The following L3MBTL4 variants were observed in gnomAD, a reference collection of about 807,000 sequenced individuals.
L3MBTL4 encodes lethal(3)malignant brain tumor-like protein 4.
Under a neutral mutation model 84.5 loss-of-function variants are expected in L3MBTL4, and 70 were observed. The observed-to-expected ratio is 0.83, with a 90% confidence interval of 0.68 to 1.01. L3MBTL4 has a LOEUF of 1.01. Ranked by LOEUF, L3MBTL4 falls within the 50% of genes least tolerant of loss-of-function variation. The pLI is 0.00. For missense variants in L3MBTL4, 715 were observed against 754.8 expected, an observed-to-expected ratio of 0.95 and a Z score of 0.62; for synonymous variants, 274 against 259.8, an observed-to-expected ratio of 1.05 and a Z score of -0.52.
At chr18:6,145,431 G>C (rs2042606144) in intron 13 of L3MBTL4, among the ~76,000 whole-genome samples, 1 of 151,764 alleles carries the variant, frequency 6.6e-6, no homozygotes, top group Admixed American at 6.6e-5. Flanking sequence ...AAATTAAGAT[G>C]GTCTACTCAT....
intron 12 of L3MBTL4, among the ~76,000 whole-genome samples, chr18:6,206,219 G>A (rs1053038951): frequency 6.6e-6 from 1 of 152,072 alleles, no homozygotes; most frequent in Non-Finnish European, 1.5e-5. Context: ...ATCCTGTATT[G>A]GTGTACACTT....
intron 5 of L3MBTL4, among the ~76,000 whole-genome samples, chr18:6,257,649 T>C (rs531659400): frequency 0.014 from 2,141 of 149,224 alleles, 19 homozygotes; most frequent in Non-Finnish European, 0.021. Flanking sequence ...CTTTTTCTTT[T>C]TTTTTTTTTT....
At chr18:6,239,648 T>C in intron 9 of L3MBTL4, 70 bp downstream of exon 9, 2 of 1,514,118 alleles carry the variant, frequency 1.3e-6, no homozygotes, top group Non-Finnish European at 1.8e-6. Context: ...GCAACAGTGC[T>C]AGAATGAAAA....
chr18:6,412,536 G>T (rs1173222691), intron 1 of L3MBTL4, among the ~76,000 whole-genome samples: 2 of 152,050 alleles, frequency 1.3e-5, no homozygotes, highest in Non-Finnish European at 2.9e-5. Flanking sequence ...CAGCCTCCTG[G>T]AAGTGGCTTT....
intron 3 of L3MBTL4, among the ~76,000 whole-genome samples, chr18:6,305,963 T>C (rs1203215581): frequency 6.6e-6 from 1 of 152,052 alleles, no homozygotes. Flanking sequence ...ATAATACCCC[T>C]TTGCTCTCCT....
intron 14 of L3MBTL4, among the ~76,000 whole-genome samples, chr18:6,132,483 G>C (rs977142722): frequency 2.0e-5 from 3 of 152,170 alleles, no homozygotes; most frequent in South Asian, 4.1e-4. Flanking sequence ...GCATGTGTGA[G>C]GCCTGGAGAC....
At chr18:5,956,526 G>A (rs2095228102) in intron 18 of L3MBTL4, 139 bp from the exon 19 acceptor site, 4 of 691,324 alleles carry the variant, frequency 5.8e-6, no homozygotes, top group East Asian at 2.6e-5. Flanking sequence ...AGAGAATGAC[G>A]GTAGCTCTCA....
chr18:6,032,240 G>A (rs1435650327), intron 16 of L3MBTL4: 2 of 775,082 alleles, frequency 2.6e-6, no homozygotes, highest in African/African-American at 1.9e-5. Context: ...GCCTCCCAAA[G>A]TGCTGGGATT....
At chr18:6,406,760 G>C (rs1453785166) in intron 1 of L3MBTL4, among the ~76,000 whole-genome samples, 1 of 151,920 alleles carries the variant, frequency 6.6e-6, no homozygotes, top group African/African-American at 2.4e-5. Context: ...AGAAACCCTG[G>C]ATGAGATTAT....
chr18:6,239,726 G>GTT lies in L3MBTL4; in HGVS notation c.698_699insAA (p.Tyr233Ter), dbSNP rs1422006398. Residue 233 changes from tyrosine (Y) to a stop codon, truncating the protein, a stop_gained and frameshift_variant, in exon 9 of 19, where the codon TAC becomes TAAAC. Coordinates refer to ENST00000317931, the MANE Select transcript of L3MBTL4 (RefSeq NM_001330559.2). LOFTEE classifies it high-confidence loss of function. ...LVHFDNWDDSYDYWCDVNSPY... is the reference protein window; with the variant it reads ...LVHFDNWDDS The stretch of plus-strand genomic sequence containing the variant: ...ACACATTCATATCTCACCAGTAATC[G>GTT]TAACTATCATCCCAGTTGTCAAAAT... The GTT allele has an allele frequency of 1.9e-6, 3 of 1,613,114 alleles. No individual in the cohort carries two copies. The Admixed American group carries it at 5.0e-5, about 27-fold the overall frequency.
At chr18:6,393,318 G>T (rs1366790228) in intron 1 of L3MBTL4, among the ~76,000 whole-genome samples, 2 of 152,130 alleles carry the variant, frequency 1.3e-5, no homozygotes, top group African/African-American at 2.4e-5. Context: ...GGATAAGCCT[G>T]GTTCACCTGA....
At chr18:6,127,168 TGAGAG>T (rs1297631445) in intron 14 of L3MBTL4, among the ~76,000 whole-genome samples, 1 of 152,258 alleles carries the variant, frequency 6.6e-6, no homozygotes, top group Non-Finnish European at 1.5e-5. Context: ...AGTAAATTTA[TGAGAG>T]CTTTTACTTT....
At chr18:6,014,232 T>G (rs1365221344) in intron 16 of L3MBTL4, among the ~76,000 whole-genome samples, 1 of 152,224 alleles carries the variant, frequency 6.6e-6, no homozygotes, top group African/African-American at 2.4e-5. Flanking sequence ...TAAAATACTT[T>G]GTGGCACTTC....
chr18:6,069,113 G>C (rs1463084553), intron 16 of L3MBTL4, among the ~76,000 whole-genome samples: 2 of 152,348 alleles, frequency 1.3e-5, no homozygotes, highest in Admixed American at 1.3e-4. Context: ...GGAGATGGCA[G>C]GGCAGTTACA....
At chr18:6,307,719 A>G (rs1223175609) in intron 3 of L3MBTL4, among the ~76,000 whole-genome samples, 1 of 152,174 alleles carries the variant, frequency 6.6e-6, no homozygotes, top group Non-Finnish European at 1.5e-5. Context: ...TGAGAATGAA[A>G]AATGTCTCAT....
chr18:5,961,492 G>A (rs1257872569), intron 17 of L3MBTL4, among the ~76,000 whole-genome samples: 2 of 152,188 alleles, frequency 1.3e-5, no homozygotes, highest in Non-Finnish European at 2.9e-5. Flanking sequence ...TGATCAGCAT[G>A]TCCATGTCTG....
intron 16 of L3MBTL4, among the ~76,000 whole-genome samples, chr18:6,061,755 TTC>T (rs1027824259): frequency 1.3e-5 from 2 of 151,942 alleles, no homozygotes; most frequent in African/African-American, 4.8e-5. Flanking sequence ...CAATTTTCTC[TTC>T]TCTCTTATCA....
intron 12 of L3MBTL4, among the ~76,000 whole-genome samples, chr18:6,206,551 CAT>C (rs1344469965): frequency 2.0e-5 from 3 of 152,146 alleles, no homozygotes; most frequent in Non-Finnish European, 2.9e-5. Context: ...ACCAAGGCCA[CAT>C]GTTTCCGTAG....
intron 16 of L3MBTL4, among the ~76,000 whole-genome samples, chr18:6,004,664 T>C (rs1156942173): frequency 6.6e-6 from 1 of 150,582 alleles, no homozygotes; most frequent in Admixed American, 6.6e-5. Flanking sequence ...CAACGGGATA[T>C]TATTTACCTT....
Sources: allele counts gnomAD v4.1 joint callset (sites outside exome capture counted in the v4.1 genomes callset), GRCh38; gene constraint gnomAD v4.1.1; transcripts MANE v1.5; gene names NCBI Gene and HGNC (gene_info 2026-07-23, HGNC 2026-07-21).